WDPCP: variants seen among roughly 807,000 people sequenced by gnomAD.
WDPCP encodes WD repeat-containing and planar cell polarity effector protein fritz homolog.
WDPCP carries 71 observed loss-of-function variants against 93.1 expected under a neutral mutation model. The ratio of observed to expected loss-of-function variants is 0.76; its 90% CI spans 0.63 to 0.93. The LOEUF is 0.93. WDPCP is among the 40% of genes least tolerant of loss of function. The probability of loss-of-function intolerance (pLI) is 0.00; values close to 1 mark genes in which losing one functional copy is unlikely to be tolerated. For missense variants in WDPCP, 844 were observed against 887.4 expected, an observed-to-expected ratio of 0.95 and a Z score of 0.62; for synonymous variants, 315 against 315.0, an observed-to-expected ratio of 1.00 and a Z score of 0.00.
chr2:63,322,839 G>A (rs376871344), intron 12 of WDPCP, among the ~76,000 whole-genome samples: 33 of 152,074 alleles, frequency 2.2e-4, no homozygotes, highest in East Asian at 7.8e-4. Context: ...GAGTACCATC[G>A]GACCCCTTTC....
intron 10 of WDPCP, among the ~76,000 whole-genome samples, chr2:63,387,724 A>G (rs1692862384): frequency 9.8e-6 from 1 of 102,286 alleles, no homozygotes; most frequent in Admixed American, 1.1e-4. Context: ...ATACCTGGAA[A>G]CCCAATAGTC....
At chr2:63,477,505 G>A (rs957229285) in intron 6 of WDPCP, among the ~76,000 whole-genome samples, 2 of 152,062 alleles carry the variant, frequency 1.3e-5, no homozygotes, top group African/African-American at 4.8e-5. Flanking sequence ...CATTCTGGGA[G>A]GTAGAAGGAA....
At chr2:63,132,257 T>C (rs1057027182) in intron 17 of WDPCP, among the ~76,000 whole-genome samples, 1 of 152,088 alleles carries the variant, frequency 6.6e-6, no homozygotes, top group African/African-American at 2.4e-5. Context: ...CTCTTGTAGC[T>C]CTCAAGATTA....
At position 63,433,738 on chromosome 2, in the gene WDPCP, G is replaced by C; in HGVS notation, c.825+7C>G. 1 of 1,607,650 alleles carries C rather than the reference G, an allele frequency of 6.2e-7. No homozygotes were observed. The highest frequency in any genetic ancestry group is 1.3e-5 in the African/African-American group (1 of 74,854). On this transcript the variant is annotated splice_region_variant and intron_variant, in intron 9 of 17. Coordinates refer to ENST00000272321, the MANE Select transcript of WDPCP (RefSeq NM_015910.7). ...TATTAAAATGTACATATTTGTTTTA[G>C]ATTTACCTCTAGTCTTCCTTGAGCA... is the stretch of plus-strand genomic sequence containing the variant.
At chr2:63,374,700 A>C (rs1246887792) in intron 12 of WDPCP, among the ~76,000 whole-genome samples, 1 of 152,178 alleles carries the variant, frequency 6.6e-6, no homozygotes, top group Non-Finnish European at 1.5e-5. Flanking sequence ...CTAAGTGTAA[A>C]TATTGACTCC....
chr2:63,589,564 T>C (rs1246739277), upstream of WDPCP, among the ~76,000 whole-genome samples: 1 of 152,252 alleles, frequency 6.6e-6, no homozygotes, highest in Non-Finnish European at 1.5e-5. Context: ...ATATCTAATT[T>C]CTCAAAATGT....
chr2:63,182,746 T>C (rs1165253837), intron 14 of WDPCP, among the ~76,000 whole-genome samples: 10 of 151,802 alleles, frequency 6.6e-5, no homozygotes, highest in Admixed American at 6.6e-4. Flanking sequence ...TTTGGTAGAA[T>C]TTGGCTGTGA....
chr2:63,416,273 C>T (rs1012912226), intron 9 of WDPCP, among the ~76,000 whole-genome samples: 1 of 151,182 alleles, frequency 6.6e-6, no homozygotes, highest in African/African-American at 2.4e-5. Context: ...AATTTCCATT[C>T]ACTGCAACCT....
At chr2:63,809,305 G>A (rs191422610) in intron 2 of WDPCP, among the ~76,000 whole-genome samples, 7,015 of 143,408 alleles carry the variant, frequency 0.049, 282 homozygotes, top group African/African-American at 0.11. Context: ...TCAGCCCCCC[G>A]CCCAGCCAGC....
chr2:63,379,641 C>T (rs1358351570), intron 11 of WDPCP, among the ~76,000 whole-genome samples: 2 of 152,120 alleles, frequency 1.3e-5, no homozygotes, highest in African/African-American at 4.8e-5. Flanking sequence ...ACTCATAACT[C>T]CCAGCACAGC....
intron 9 of WDPCP, among the ~76,000 whole-genome samples, chr2:63,405,464 T>A (rs1694492140): frequency 1.3e-5 from 2 of 152,062 alleles, no homozygotes. Context: ...GGGAAATCTA[T>A]GTAAACAGAG....
chr2:63,554,580 G>A (rs1705933223), intron 1 of WDPCP, among the ~76,000 whole-genome samples: 1 of 152,094 alleles, frequency 6.6e-6, no homozygotes, highest in African/African-American at 2.4e-5. Flanking sequence ...TTGAACCCAG[G>A]AGGCGGAGGT....
At chr2:63,722,328 G>T (rs1173392346) in intron 2 of WDPCP, among the ~76,000 whole-genome samples, 9 of 143,146 alleles carry the variant, frequency 6.3e-5, no homozygotes, top group African/African-American at 2.3e-4. Flanking sequence ...AGTGAGGAGC[G>T]TCTCTGCCCG....
chr2:63,338,226 T>C (rs971975139), intron 12 of WDPCP, among the ~76,000 whole-genome samples: 1 of 152,052 alleles, frequency 6.6e-6, no homozygotes, highest in African/African-American at 2.4e-5. Flanking sequence ...AGTAATCCAG[T>C]CTTCCCAGCA....
chr2:63,471,343 C>T (rs902891532), intron 6 of WDPCP, among the ~76,000 whole-genome samples: 3 of 152,218 alleles, frequency 2.0e-5, no homozygotes, highest in Non-Finnish European at 2.9e-5. Context: ...AGAGCAGAAG[C>T]GGAGAAGTTA....
intron 2 of WDPCP, among the ~76,000 whole-genome samples, chr2:63,743,033 C>T (rs1036031472): frequency 1.1e-4 from 16 of 151,914 alleles, no homozygotes; most frequent in Admixed American, 9.2e-4. Flanking sequence ...CAAACAACCC[C>T]GTGGAATTGA....
intron 1 of WDPCP, among the ~76,000 whole-genome samples, chr2:63,499,387 T>A (rs1446221552): frequency 6.6e-6 from 1 of 152,132 alleles, no homozygotes; most frequent in Non-Finnish European, 1.5e-5. Flanking sequence ...AGCTCAGGAA[T>A]TAGGACTTTG....
chr2:63,702,132 T>C (rs2103710415), intron 2 of WDPCP, among the ~76,000 whole-genome samples: 1 of 152,282 alleles, frequency 6.6e-6, no homozygotes, highest in African/African-American at 2.4e-5. Context: ...TTCAAGCGAT[T>C]CTCCTGCCTC....
chr2:63,622,594 T>G (rs900136906), intron 3 of WDPCP: 1 of 1,613,908 alleles, frequency 6.2e-7, no homozygotes. Flanking sequence ...TCCTCCAGGA[T>G]GTACACCGAG....
Sources: gnomAD v4.1 joint callset for allele counts (sites outside exome capture counted in the v4.1 genomes callset) on GRCh38, gnomAD v4.1.1 for gene constraint, MANE v1.5 for transcripts, NCBI Gene and HGNC (gene_info 2026-07-23, HGNC 2026-07-21) for gene names.